Variants in CSMD1 observed in about 807,000 individuals in gnomAD.
The protein encoded by CSMD1 is CUB and Sushi multiple domains 1.
Under a neutral mutation model 417.5 loss-of-function variants are expected in CSMD1, and 213 were observed. That is an observed-to-expected ratio of 0.51 (90% CI 0.46 to 0.57). CSMD1 has a LOEUF of 0.57. CSMD1 is among the 20% of genes least tolerant of loss of function. The pLI is 0.00. For missense variants in CSMD1, 6,923 were observed against 4,529.7 expected, an observed-to-expected ratio of 1.53 and a Z score of -15.17; for synonymous variants, 2,862 against 1,736.8, an observed-to-expected ratio of 1.65 and a Z score of -16.11.
chr8:3,905,033 G>C (rs1239718791), intron 5 of CSMD1, among the ~76,000 whole-genome samples: 1 of 152,110 alleles, frequency 6.6e-6, no homozygotes, highest in Non-Finnish European at 1.5e-5. Flanking sequence ...ACTTGTACTG[G>C]TGACTGATTT....
chr8:4,362,381 C>G (rs1240977699), intron 3 of CSMD1, among the ~76,000 whole-genome samples: 2 of 150,664 alleles, frequency 1.3e-5, no homozygotes, highest in Non-Finnish European at 2.9e-5. Context: ...AGTGGTCCAG[C>G]AGAGCCTGGG....
At chr8:4,819,490 G>T (rs375773545) in intron 1 of CSMD1, among the ~76,000 whole-genome samples, 1 of 152,078 alleles carries the variant, frequency 6.6e-6, no homozygotes, top group African/African-American at 2.4e-5. Context: ...ATACATATAT[G>T]CTATATAGGA....
At chr8:4,578,626 C>T (rs925111410) in intron 2 of CSMD1, among the ~76,000 whole-genome samples, 5 of 150,860 alleles carry the variant, frequency 3.3e-5, no homozygotes, top group Admixed American at 1.3e-4. Flanking sequence ...ATCAGCCTGG[C>T]CAACATGGTG....
At chr8:2,963,450 A>C in intron 59 of CSMD1, 55 bp from the exon 60 acceptor site, 14 of 1,553,004 alleles carry the variant, frequency 9.0e-6, no homozygotes, top group Non-Finnish European at 1.1e-5. Context: ...TGCAGCGGTG[A>C]TGTTCAAACG....
intron 54 of CSMD1, among the ~76,000 whole-genome samples, chr8:2,982,663 C>T (rs574628751): frequency 6.6e-5 from 10 of 152,354 alleles, no homozygotes; most frequent in African/African-American, 2.4e-4. Flanking sequence ...CCTCCAGGAG[C>T]TGCCCTGTCC....
intron 2 of CSMD1, among the ~76,000 whole-genome samples, chr8:4,425,196 G>C (rs555311084): frequency 2.6e-5 from 4 of 152,104 alleles, no homozygotes; most frequent in African/African-American, 7.2e-5. Context: ...ACGAAGGGGT[G>C]TGGTCAAATG....
At chr8:3,309,345 G>GAATT (rs34108556) in intron 23 of CSMD1, among the ~76,000 whole-genome samples, 59,287 of 151,688 alleles carry the variant, frequency 0.39, 12,021 homozygotes, top group Middle Eastern at 0.51. Context: ...TGGCGCTCCT[G>GAATT]AATTACTGCC....
At chr8:4,381,186 G>A (rs113330149) in intron 3 of CSMD1, among the ~76,000 whole-genome samples, 100 of 152,218 alleles carry the variant, frequency 6.6e-4, no homozygotes, top group African/African-American at 1.9e-3. Flanking sequence ...AGTTCTCTAC[G>A]GTACTGATAA....
At chr8:4,146,064 G>A (rs1262244293) in intron 3 of CSMD1, among the ~76,000 whole-genome samples, 2 of 150,872 alleles carry the variant, frequency 1.3e-5, no homozygotes, top group Non-Finnish European at 2.9e-5. Flanking sequence ...GCAGACACTT[G>A]AGGGAGGCAA....
At chr8:4,081,117 C>G (rs553943920) in intron 3 of CSMD1, among the ~76,000 whole-genome samples, 8 of 152,246 alleles carry the variant, frequency 5.3e-5, no homozygotes, top group African/African-American at 1.7e-4. Context: ...CTTCCAGACA[C>G]CAAATCTGCT....
chr8:4,513,738 A>G (rs1802952586), intron 2 of CSMD1, among the ~76,000 whole-genome samples: 1 of 152,226 alleles, frequency 6.6e-6, no homozygotes, highest in African/African-American at 2.4e-5. Context: ...TAAACTTGCT[A>G]CTTTGGCAAA....
intron 2 of CSMD1, among the ~76,000 whole-genome samples, chr8:4,616,274 G>C (rs1264002195): frequency 2.0e-5 from 3 of 152,120 alleles, no homozygotes; most frequent in Non-Finnish European, 4.4e-5. Context: ...AATTGTACAA[G>C]TCTACACTGG....
At chr8:4,769,020 G>A (rs1211701272) in intron 1 of CSMD1, among the ~76,000 whole-genome samples, 1 of 152,126 alleles carries the variant, frequency 6.6e-6, no homozygotes, top group East Asian at 1.9e-4. Context: ...CTGACTGTAA[G>A]GTACTACAAA....
chr8:3,524,930 T>G (rs905319114), intron 10 of CSMD1, among the ~76,000 whole-genome samples: 1 of 149,776 alleles, frequency 6.7e-6, no homozygotes, highest in Non-Finnish European at 1.5e-5. Context: ...TCATGAAATG[T>G]AAAAAAAAAA....
chr8:4,686,473 T>A (rs1474512490), intron 1 of CSMD1, among the ~76,000 whole-genome samples: 1 of 152,158 alleles, frequency 6.6e-6, no homozygotes, highest in Non-Finnish European at 1.5e-5. Context: ...GGCCTCCCCA[T>A]ACCTAGAGAA....
chr8:3,426,912 G>T (rs1187495365), intron 12 of CSMD1, among the ~76,000 whole-genome samples: 3 of 152,152 alleles, frequency 2.0e-5, no homozygotes, highest in Non-Finnish European at 4.4e-5. Context: ...TCACAGTTCA[G>T]CTGGGGAGGC....
intron 3 of CSMD1, among the ~76,000 whole-genome samples, chr8:4,390,614 C>A (rs1436748858): frequency 1.3e-5 from 2 of 151,888 alleles, no homozygotes; most frequent in African/African-American, 2.4e-5. Flanking sequence ...CCCGGACTCA[C>A]GCCATTCTCC....
At chr8:3,291,814 G>A (rs529335789) in intron 25 of CSMD1, among the ~76,000 whole-genome samples, 120 of 152,030 alleles carry the variant, frequency 7.9e-4, no homozygotes, top group African/African-American at 2.5e-3. Flanking sequence ...GGTTTTTTGC[G>A]TCTCTATTTC....
intron 9 of CSMD1, among the ~76,000 whole-genome samples, chr8:3,576,512 C>T (rs547430178): frequency 3.3e-5 from 5 of 152,294 alleles, no homozygotes; most frequent in South Asian, 4.1e-4. Flanking sequence ...TGTTCAGTTG[C>T]TTCCTACTTA....
Sources: gnomAD v4.1 joint callset for allele counts (sites outside exome capture counted in the v4.1 genomes callset) on GRCh38, gnomAD v4.1.1 for gene constraint, MANE v1.5 for transcripts, NCBI Gene and HGNC (gene_info 2026-07-23, HGNC 2026-07-21) for gene names.